The following GALNS variants were observed in gnomAD, a reference collection of about 807,000 sequenced individuals.
GALNS encodes N-acetylgalactosamine-6-sulfatase.
Under a neutral mutation model 65.9 loss-of-function variants are expected in GALNS, and 65 were observed. The ratio of observed to expected loss-of-function variants is 0.99; its 90% CI spans 0.81 to 1.21. GALNS has a LOEUF of 1.21. Among genes scored for constraint, GALNS ranks in the 50% most tolerant of loss-of-function variants. GALNS has a pLI of 0.00. For missense variants in GALNS, 776 were observed against 700.7 expected, an observed-to-expected ratio of 1.11 and a Z score of -1.21; for synonymous variants, 346 against 288.9, an observed-to-expected ratio of 1.20 and a Z score of -2.00.
At chr16:88,855,303 G>GC in intron 1 of GALNS, 1 of 699,886 alleles carries the variant, frequency 1.4e-6, no homozygotes, top group Non-Finnish European at 2.6e-6. Context: ...AGCTCATCCA[G>GC]CGAAGCTATG....
chr16:88,842,185 C>T (rs907872951), intron 2 of GALNS: 7 of 653,328 alleles, frequency 1.1e-5, no homozygotes, highest in Admixed American at 2.1e-5. Flanking sequence ...GCCCTTGGGC[C>T]CTGCAGCTCA....
At chr16:88,815,860 T>A in intron 13 of GALNS, 1 of 985,272 alleles carries the variant, frequency 1.0e-6, no homozygotes, top group Non-Finnish European at 1.2e-6. Flanking sequence ...TGAGTCTGGA[T>A]GGGGGATCTG....
At chr16:88,831,099 C>T (rs1911454036) in intron 9 of GALNS, among the ~76,000 whole-genome samples, 1 of 152,234 alleles carries the variant, frequency 6.6e-6, no homozygotes. Flanking sequence ...ACCCACGTGA[C>T]ACACGGCAGT....
chr16:88,837,489 G>A (rs986994843), intron 5 of GALNS, 133 bp downstream of exon 5: 16 of 900,472 alleles, frequency 1.8e-5, no homozygotes, highest in African/African-American at 6.6e-5. Flanking sequence ...CAAAGCCCTC[G>A]GTGCCCGGGG....
At chr16:88,820,784 G>A (rs908852505) in intron 12 of GALNS, among the ~76,000 whole-genome samples, 4 of 152,236 alleles carry the variant, frequency 2.6e-5, no homozygotes, top group African/African-American at 9.6e-5. Context: ...CCCAGTGGAC[G>A]CGAGGGGGCA....
chr16:88,822,522 G>A (rs1910337911), intron 12 of GALNS, 67 bp downstream of exon 12: 1 of 1,601,350 alleles, frequency 6.2e-7, no homozygotes, highest in East Asian at 2.2e-5. Context: ...CTGTCCCTGT[G>A]GAGCCTGCAT....
chr16:88,818,042 G>T lies in GALNS; in HGVS notation c.1447C>A (p.Gln483Lys). 1 of 1,582,722 alleles carries T rather than the reference G, an allele frequency of 6.3e-7. No individual in the cohort carries two copies. The highest frequency in any genetic ancestry group is 8.6e-7 in the Non-Finnish European group (1 of 1,169,522). ...QQHQEALVPA[Q>K]PQLNVCNWAV... ...CAGTTGCACACGTTGAGCTGGGGCT[G>T]CGCGGGGACCAAGGCCTCCTGGTGC... Residue 483 changes from glutamine (Q) to lysine (K), a missense_variant, in exon 13 of 14, where the codon CAG becomes AAG. Transcript: ENST00000268695.
chr16:88,814,992 C>A, intron 13 of GALNS: 1 of 979,364 alleles, frequency 1.0e-6, no homozygotes, highest in Non-Finnish European at 1.2e-6. Flanking sequence ...CTTGGCCTCC[C>A]AAAGTGCTGG....
At chr16:88,820,232 A>AGG (rs1910064093) in intron 12 of GALNS, among the ~76,000 whole-genome samples, 1 of 151,852 alleles carries the variant, frequency 6.6e-6, no homozygotes, top group Admixed American at 6.6e-5. Context: ...GGGTTCAAGC[A>AGG]ATTCTCCCGC....
chr16:88,828,880 A>G (rs1409422259), intron 9 of GALNS, among the ~76,000 whole-genome samples: 1 of 152,148 alleles, frequency 6.6e-6, no homozygotes, highest in Non-Finnish European at 1.5e-5. Context: ...GCAGAGCCCC[A>G]GCCCTGTCCC....
chr16:88,835,706 C>T lies in GALNS; in HGVS notation c.758+19G>A, dbSNP rs368238540. ...TGGGGCCTCCAGCGAGGTCTATGCT[C>T]CATGGAGCCAGGACTCACCGCCCTC... On this transcript the variant is annotated intron_variant, in intron 7 of 13. Transcript: ENST00000268695. 2 of 1,613,658 alleles carry T rather than the reference C, an allele frequency of 1.2e-6. No individual in the cohort carries two copies. The highest frequency in any genetic ancestry group is 2.7e-5 in the African/African-American group (2 of 74,948).
chr16:88,832,429 C>T (rs977718162), intron 8 of GALNS, among the ~76,000 whole-genome samples: 6 of 152,214 alleles, frequency 3.9e-5, no homozygotes, highest in East Asian at 1.9e-4. Flanking sequence ...TGGTGCTTCC[C>T]GAACGTGAAT....
intron 12 of GALNS, among the ~76,000 whole-genome samples, chr16:88,820,462 G>C (rs1910089176): frequency 6.6e-6 from 1 of 152,246 alleles, no homozygotes; most frequent in Non-Finnish European, 1.5e-5. Flanking sequence ...TCCTGGCAAA[G>C]TGACATGTGT....
rs528617305 is a variant in GALNS at position 88,851,740 on chromosome 16, C to T, written c.120+5018G>A. Among the ~76,000 whole-genome samples, 6 of 152,290 alleles carry T rather than the reference C, an allele frequency of 3.9e-5. No homozygotes were observed. In the South Asian group the frequency reaches 6.2e-4, roughly 16 times the overall value. On this transcript the variant is annotated intron_variant, in intron 1 of 13. Coordinates refer to ENST00000268695, the MANE Select transcript of GALNS (RefSeq NM_000512.5). ...CCTGGCTCGGAGGGTCTCATGCCCA[C>T]GGAGCCTTGCTCACTGCTAGCACAG...
intron 1 of GALNS, chr16:88,843,263 T>C (rs1967072372): frequency 8.0e-7 from 1 of 1,247,870 alleles, no homozygotes; most frequent in African/African-American, 1.5e-5. Flanking sequence ...CAAAGTCAAC[T>C]GGTAACTGTC....
At chr16:88,851,024 CT>C (rs1000559372) in intron 1 of GALNS, among the ~76,000 whole-genome samples, 1 of 152,144 alleles carries the variant, frequency 6.6e-6, no homozygotes, top group Non-Finnish European at 1.5e-5. Flanking sequence ...ACACGTGGGC[CT>C]TCTGAGGACA....
intron 1 of GALNS, among the ~76,000 whole-genome samples, chr16:88,853,191 C>T (rs1010211386): frequency 1.5e-5 from 2 of 135,616 alleles, no homozygotes; most frequent in East Asian, 4.6e-4. Flanking sequence ...ACGGAGGTTG[C>T]AGTGAGCTGA....
At chr16:88,817,277 C>A in intron 13 of GALNS, 1 of 985,448 alleles carries the variant, frequency 1.0e-6, no homozygotes, top group Non-Finnish European at 1.2e-6. Flanking sequence ...GTGGCCTGAA[C>A]ACAGACTTCA....
chr16:88,816,185 G>A (rs932794862), intron 13 of GALNS: 68 of 985,366 alleles, frequency 6.9e-5, no homozygotes, highest in Admixed American at 6.1e-5. Flanking sequence ...CAGTGCCCAG[G>A]AGATGGCAGT....
Sources: allele counts gnomAD v4.1 joint callset (sites outside exome capture counted in the v4.1 genomes callset), GRCh38; gene constraint gnomAD v4.1.1; transcripts MANE v1.5; gene names NCBI Gene and HGNC (gene_info 2026-07-23, HGNC 2026-07-21).